Variants in ENTREP2 observed in about 807,000 individuals in gnomAD.
The protein encoded by ENTREP2 is endosomal transmembrane epsin interactor 2, also known as protein ENTREP2.
At chr15:29,330,125 T>TC in the ENTREP2 span, among the ~76,000 whole-genome samples, 1 of 151,964 alleles carries the variant, frequency 6.6e-6, no homozygotes, top group South Asian at 2.1e-4. Flanking sequence ...TGATAGTATG[T>TC]CCCCCTGATG....
chr15:29,657,464 C>T, the ENTREP2 span, among the ~76,000 whole-genome samples: 1 of 87,048 alleles, frequency 1.1e-5, no homozygotes, highest in South Asian at 5.0e-4. Context: ...CTGCGAGTTG[C>T]CGCTGTCGGC....
At chr15:29,633,575 A>G in the ENTREP2 span, among the ~76,000 whole-genome samples, 4 of 152,118 alleles carry the variant, frequency 2.6e-5, no homozygotes, top group Admixed American at 6.5e-5. Context: ...TGGGGAGGGA[A>G]AAGATCAGCT....
the ENTREP2 span, among the ~76,000 whole-genome samples, chr15:29,423,337 C>T: frequency 1.3e-5 from 2 of 152,066 alleles, no homozygotes; most frequent in Admixed American, 1.3e-4. Flanking sequence ...AAAATTCCTT[C>T]TTCTGACTAT....
At chr15:29,449,820 T>C in the ENTREP2 span, among the ~76,000 whole-genome samples, 4 of 152,298 alleles carry the variant, frequency 2.6e-5, no homozygotes, top group South Asian at 6.2e-4. Flanking sequence ...TAAATACACA[T>C]TCACATTATG....
At chr15:29,637,678 G>A in the ENTREP2 span, among the ~76,000 whole-genome samples, 1 of 152,138 alleles carries the variant, frequency 6.6e-6, no homozygotes, top group African/African-American at 2.4e-5. Context: ...TAATATTCAG[G>A]GGCATCCTCC....
the ENTREP2 span, among the ~76,000 whole-genome samples, chr15:29,655,651 A>G: frequency 2.0e-5 from 3 of 152,224 alleles, no homozygotes; most frequent in South Asian, 2.1e-4. Flanking sequence ...CACAACATAC[A>G]TGAGCCAATC....
At chr15:29,256,312 T>C in the ENTREP2 span, among the ~76,000 whole-genome samples, 2 of 152,182 alleles carry the variant, frequency 1.3e-5, no homozygotes, top group Admixed American at 6.5e-5. Flanking sequence ...AACCTGCACA[T>C]GTACCTCCTG....
At chr15:29,588,538 GAA>G in the ENTREP2 span, among the ~76,000 whole-genome samples, 5 of 41,248 alleles carry the variant, frequency 1.2e-4, no homozygotes, top group South Asian at 1.9e-3. Flanking sequence ...GGAAGGAAGA[GAA>G]AGAAAGAGAG....
chr15:29,211,512 G>A, the ENTREP2 span, among the ~76,000 whole-genome samples: 4,417 of 152,308 alleles, frequency 0.029, 225 homozygotes, highest in African/African-American at 0.1. Context: ...CTTCAGTAGT[G>A]TGTTGAAGAG....
the ENTREP2 span, chr15:29,196,762 A>C: frequency 5.6e-5 from 29 of 513,736 alleles, no homozygotes; most frequent in South Asian, 1.6e-4. Context: ...TCTTAACAGC[A>C]ATGTATAGAA....
At chr15:29,508,072 C>T in the ENTREP2 span, among the ~76,000 whole-genome samples, 12 of 152,034 alleles carry the variant, frequency 7.9e-5, no homozygotes, top group Non-Finnish European at 1.3e-4. Flanking sequence ...GGGAGATTAC[C>T]ACTGACCCCA....
the ENTREP2 span, among the ~76,000 whole-genome samples, chr15:29,457,053 C>A: frequency 1.3e-5 from 2 of 152,210 alleles, no homozygotes; most frequent in East Asian, 3.9e-4. Context: ...GCCCCGTGTT[C>A]TTGACACGGT....
the ENTREP2 span, among the ~76,000 whole-genome samples, chr15:29,522,798 T>C: frequency 1.3e-5 from 2 of 152,314 alleles, no homozygotes; most frequent in Admixed American, 1.3e-4. Flanking sequence ...TTGACCTGAC[T>C]CAGACCTTGC....
At chr15:29,536,959 T>C in the ENTREP2 span, among the ~76,000 whole-genome samples, 2 of 152,146 alleles carry the variant, frequency 1.3e-5, no homozygotes, top group African/African-American at 2.4e-5. Flanking sequence ...CACAGCTCTG[T>C]TGATGCCTTC....
chr15:29,507,982 T>C, the ENTREP2 span, among the ~76,000 whole-genome samples: 1 of 151,790 alleles, frequency 6.6e-6, no homozygotes, highest in Non-Finnish European at 1.5e-5. Context: ...TTTGAAAAGA[T>C]TAATAAAATA....
chr15:29,377,103 G>A, the ENTREP2 span: 2 of 151,090 alleles, frequency 1.3e-5, no homozygotes, highest in African/African-American at 4.9e-5. Flanking sequence ...TGCATCTTTA[G>A]TTGACACCTC....
chr15:29,335,656 C>G, the ENTREP2 span, among the ~76,000 whole-genome samples: 1 of 152,196 alleles, frequency 6.6e-6, no homozygotes, highest in Non-Finnish European at 1.5e-5. Flanking sequence ...TCAGTAGGGC[C>G]AGGGGTCGCT....
At chr15:29,138,697 G>A in the ENTREP2 span, among the ~76,000 whole-genome samples, 1 of 94,550 alleles carries the variant, frequency 1.1e-5, no homozygotes, top group Non-Finnish European at 2.2e-5. Flanking sequence ...GTATGTGTGT[G>A]TATGCGTGTG....
At chr15:29,351,586 T>C in the ENTREP2 span, among the ~76,000 whole-genome samples, 1 of 152,024 alleles carries the variant, frequency 6.6e-6, no homozygotes, top group African/African-American at 2.4e-5. Flanking sequence ...CTAACAGTAG[T>C]TTCTTGGTTA....
Sources: allele counts gnomAD v4.1 joint callset (sites outside exome capture counted in the v4.1 genomes callset), GRCh38; gene constraint gnomAD v4.1.1; transcripts MANE v1.5; gene names NCBI Gene and HGNC (gene_info 2026-07-23, HGNC 2026-07-21).